SPATS2L: variants seen among roughly 807,000 people sequenced by gnomAD.
SPATS2L encodes spermatogenesis associated serine rich 2 like.
Under a neutral mutation model 59.6 loss-of-function variants are expected in SPATS2L, and 30 were observed. That is an observed-to-expected ratio of 0.50 (90% CI 0.38 to 0.68). SPATS2L has a LOEUF of 0.68. SPATS2L is among the 30% of genes least tolerant of loss of function. The pLI is 0.00. For missense variants in SPATS2L, 615 were observed against 700.0 expected (o/e 0.88, Z 1.37); for synonymous variants, 252 against 263.5 (o/e 0.96, Z 0.42).
At chr2:200,380,041 T>C (rs1428658184) in intron 2 of SPATS2L, among the ~76,000 whole-genome samples, 1 of 152,152 alleles carries the variant, frequency 6.6e-6, no homozygotes, top group Admixed American at 6.5e-5. Flanking sequence ...AGGCATTTAT[T>C]TATATTCTCA....
chr2:200,313,003 A>T (rs1330558568), intron 1 of SPATS2L, among the ~76,000 whole-genome samples: 1 of 152,232 alleles, frequency 6.6e-6, no homozygotes, highest in African/African-American at 2.4e-5. Flanking sequence ...CCCTTATTGG[A>T]CAGTGAAACT....
At chr2:200,306,151 G>A (rs895477193), upstream of SPATS2L, 5 of 995,278 alleles carry the variant, frequency 5.0e-6, no homozygotes. Context: ...TTCCGCGCCT[G>A]ATTTTTCAGG....
rs556533233 is a variant in SPATS2L at position 200,473,126 on chromosome 2, C to G, written c.1281+74C>G. ...TGTTTCCAGAGGAAGAAAACAGCAA[C>G]TACTAGATTCTGGGCCTCCTGGGGT... is the stretch of plus-strand genomic sequence containing the variant. On this transcript the variant is annotated intron_variant, in intron 12 of 12. Coordinates refer to ENST00000409140, the MANE Select transcript of SPATS2L (RefSeq NM_001100423.2). 3 of 1,391,110 alleles carry G rather than the reference C, an allele frequency of 2.2e-6. No individual in the cohort carries two copies. In the South Asian group the frequency reaches 4.2e-5, roughly 19 times the overall value. The allele number at this position is 1,391,110 out of a possible 1,614,324, so 86.2% of individuals were successfully genotyped here. A position where few individuals can be genotyped will look rare whatever the true frequency, so the allele number is the denominator to read the frequency against.
At chr2:200,331,711 TTGA>T (rs2079948196) in intron 2 of SPATS2L, among the ~76,000 whole-genome samples, 1 of 152,326 alleles carries the variant, frequency 6.6e-6, no homozygotes, top group South Asian at 2.1e-4. Context: ...TTGGGTTGTT[TTGA>T]TGATGATTAA....
chr2:200,307,042 C>T (rs2079040942), intron 1 of SPATS2L, 120 bp downstream of exon 1: 2 of 858,786 alleles, frequency 2.3e-6, no homozygotes, highest in African/African-American at 1.8e-5. Flanking sequence ...CAGCCCGGGC[C>T]GCCCAGCCTC....
intron 6 of SPATS2L, among the ~76,000 whole-genome samples, chr2:200,434,495 G>C (rs931630066): frequency 6.6e-6 from 1 of 151,906 alleles, no homozygotes; most frequent in African/African-American, 2.4e-5. Context: ...AAAAAATAAA[G>C]CTGCCAGAAC....
intron 1 of SPATS2L, among the ~76,000 whole-genome samples, chr2:200,307,689 GC>G (rs925380531): frequency 1.3e-5 from 2 of 152,252 alleles, no homozygotes; most frequent in Non-Finnish European, 2.9e-5. Context: ...CACACGCGGG[GC>G]TGAAGGGCCG....
chr2:200,328,241 T>C lies in SPATS2L; in HGVS notation c.-72-1190T>C, dbSNP rs1437603522. ...TCCCTTGTCTTCTGGTTGCCAAGAT[T>C]TCATAGGATGAGAATTCACCATGCT... On this transcript the variant is annotated intron_variant, in intron 1 of 12. Coordinates refer to ENST00000409140, the MANE Select transcript of SPATS2L (RefSeq NM_001100423.2). Among the ~76,000 whole-genome samples the C allele has an allele frequency of 5.3e-5, 8 of 152,252 alleles. No individual in the cohort carries two copies. The East Asian group carries it at 1.5e-3, about 29-fold the overall frequency.
intron 1 of SPATS2L, among the ~76,000 whole-genome samples, chr2:200,324,554 C>T (rs1203108283): frequency 6.6e-6 from 1 of 152,150 alleles, no homozygotes; most frequent in African/African-American, 2.4e-5. Context: ...GTCTCCTCTG[C>T]ACCAGGCACT....
chr2:200,332,457 G>A (rs1313929046), intron 2 of SPATS2L, among the ~76,000 whole-genome samples: 1 of 152,084 alleles, frequency 6.6e-6, no homozygotes, highest in Non-Finnish European at 1.5e-5. Context: ...TTGTTACCCA[G>A]GCTGGTCTCA....
At chr2:200,416,316 G>T in intron 4 of SPATS2L, 63 bp from the exon 5 acceptor site, 1 of 797,542 alleles carries the variant, frequency 1.3e-6, no homozygotes, top group South Asian at 3.3e-5. Context: ...GAAAGACAGA[G>T]ATGAATTTTG....
At chr2:200,476,167 C>A (rs535118197) in intron 12 of SPATS2L, among the ~76,000 whole-genome samples, 1 of 152,236 alleles carries the variant, frequency 6.6e-6, no homozygotes, top group South Asian at 2.1e-4. Context: ...TACTGCTCAT[C>A]CATTTACGTT....
rs953510235 is a variant in SPATS2L, at chr2:200,372,516, ATGT to A, written c.-22-16702_-22-16700del. On this transcript the variant is annotated intron_variant, in intron 2 of 12. Transcript: ENST00000409140. The stretch of plus-strand genomic sequence containing the variant: ...GAGCAAAATTTAACGCACTGAGAAA[ATGT>A]TGTTCCTCCCATTGATAATTTTCCT... 6.6e-5 allele frequency among the ~76,000 whole-genome samples: 10 copies of A among 152,134 alleles called. No individual in the cohort carries two copies. The South Asian group carries it at 1.0e-3, about 16-fold the overall frequency.
At chr2:200,312,940 A>G (rs1196752638) in intron 1 of SPATS2L, among the ~76,000 whole-genome samples, 2 of 152,218 alleles carry the variant, frequency 1.3e-5, no homozygotes, top group Non-Finnish European at 2.9e-5. Flanking sequence ...GTTATCACTT[A>G]TTGATCATTT....
At chr2:200,308,909 C>T in intron 1 of SPATS2L, 1 of 619,466 alleles carries the variant, frequency 1.6e-6, no homozygotes, top group South Asian at 2.0e-5. Flanking sequence ...TGAAAGTCTT[C>T]AGTAAATAGT....
intron 6 of SPATS2L, among the ~76,000 whole-genome samples, chr2:200,422,128 G>A (rs370255501): frequency 1.1e-4 from 16 of 152,194 alleles, no homozygotes; most frequent in African/African-American, 3.9e-4. Context: ...CTTGCACAGT[G>A]ATCCCATTCT....
rs1050312882 is a variant in SPATS2L, at chr2:200,480,382, G to C, written c.*2351G>C. On this transcript the variant is annotated 3_prime_UTR_variant, in exon 13 of 13. Coordinates refer to ENST00000409140, the MANE Select transcript of SPATS2L (RefSeq NM_001100423.2). Reference sequence around the variant, plus strand: ...AGACAGGGTCTTGCTCTATCACCTAGGCTGGAGTGCATGTTTTTGAGACAG... The same window carrying C: ...AGACAGGGTCTTGCTCTATCACCTACGCTGGAGTGCATGTTTTTGAGACAG... 7.6e-6 allele frequency: 1 copy of C among 131,936 alleles called. No individual in the cohort carries two copies. The highest frequency in any genetic ancestry group is 1.6e-5 in the Non-Finnish European group (1 of 63,394). The allele number at this position is 131,936 out of a possible 1,614,324, so 8.2% of individuals were successfully genotyped here.
chr2:200,468,782 T>C (rs1049520855), intron 10 of SPATS2L, among the ~76,000 whole-genome samples: 3 of 152,198 alleles, frequency 2.0e-5, no homozygotes, highest in Non-Finnish European at 4.4e-5. Context: ...AGAAAGAAAT[T>C]CACAGCTGGA....
intron 8 of SPATS2L, among the ~76,000 whole-genome samples, chr2:200,453,593 C>G (rs2085620098): frequency 6.6e-6 from 1 of 152,174 alleles, no homozygotes; most frequent in South Asian, 2.1e-4. Context: ...GGAAGGGACA[C>G]AGATGCTCAG....
Sources: gnomAD v4.1 joint callset for allele counts (sites outside exome capture counted in the v4.1 genomes callset) on GRCh38, gnomAD v4.1.1 for gene constraint, MANE v1.5 for transcripts, NCBI Gene and HGNC (gene_info 2026-07-23, HGNC 2026-07-21) for gene names.